The following TSHZ3 variants were observed in gnomAD, a reference collection of about 807,000 sequenced individuals.
The protein encoded by TSHZ3 is teashirt homolog 3.
Under a neutral mutation model 64.5 loss-of-function variants are expected in TSHZ3, and 10 were observed. The ratio of observed to expected loss-of-function variants is 0.16; its 90% CI spans 0.10 to 0.26. TSHZ3 has a LOEUF of 0.26. Among genes scored for constraint, TSHZ3 ranks in the 10% least tolerant of loss-of-function variants. The pLI is 1.00. For synonymous variants in TSHZ3, 608 were observed against 593.1 expected (o/e 1.03, Z -0.36); for missense variants, 1,242 against 1,421.7 (o/e 0.87, Z 2.03).
At position 31,277,812 on chromosome 19, in the gene TSHZ3, C is replaced by A; in HGVS notation, c.1981G>T (p.Asp661Tyr). The A allele has an allele frequency of 6.4e-7, 1 of 1,551,954 alleles. No individual in the cohort carries two copies. The highest frequency in any genetic ancestry group is 8.7e-7 in the Non-Finnish European group (1 of 1,151,492). ...GEPIKMEASS[D>Y]GGFRSQENSP... ...TTCTCCTGGCTGCGGAAGCCCCCAT[C>A]GCTGGATGCCTCCATCTTGATGGGT... Residue 661 changes from aspartate (D) to tyrosine (Y), a missense_variant, in exon 2 of 2, where the codon GAT (aspartate) becomes TAT (tyrosine). Physicochemically the swap from Asp to Tyr is radical, Grantham distance 160. Transcript: ENST00000240587. This position sits in a 1 kb window ranked among gnomAD's most constrained non-coding sequence, Gnocchi z 4.5.
At chr19:31,214,387 G>A (rs957970453) in intron 4 of TSHZ3, among the ~76,000 whole-genome samples, 18 of 152,234 alleles carry the variant, frequency 1.2e-4, no homozygotes, top group African/African-American at 4.1e-4. Flanking sequence ...ATGGTGTGGT[G>A]CAGGAAGTGA....
At chr19:31,212,785 A>T (rs1175897419) in intron 4 of TSHZ3, among the ~76,000 whole-genome samples, 1 of 152,200 alleles carries the variant, frequency 6.6e-6, no homozygotes, top group Non-Finnish European at 1.5e-5. Context: ...TTTATGTCTC[A>T]CAAAAGGCAC....
At chr19:31,184,190 T>C (rs756823462) in intron 5 of TSHZ3, among the ~76,000 whole-genome samples, 1 of 152,224 alleles carries the variant, frequency 6.6e-6, no homozygotes, top group Non-Finnish European at 1.5e-5. Flanking sequence ...AATCATCTGT[T>C]AAGACGGGAT....
chr19:31,311,031 G>A (rs1916441964), intron 1 of TSHZ3, among the ~76,000 whole-genome samples: 1 of 152,184 alleles, frequency 6.6e-6, no homozygotes, highest in Non-Finnish European at 1.5e-5. Context: ...CATCAGCTCA[G>A]CCTCTTGAGA....
chr19:31,165,925 A>C (rs1974444739), intron 5 of TSHZ3, among the ~76,000 whole-genome samples: 1 of 152,242 alleles, frequency 6.6e-6, no homozygotes, highest in Admixed American at 6.5e-5. Flanking sequence ...TGGTCTTCTT[A>C]TTTAAGATGG....
chr19:31,246,268 T>A (rs150613210), intron 1 of TSHZ3, among the ~76,000 whole-genome samples: 1 of 152,220 alleles, frequency 6.6e-6, no homozygotes, highest in Non-Finnish European at 1.5e-5. Context: ...TCATACCAAA[T>A]TGATCATATT....
chr19:31,219,043 T>A (rs1975367658), intron 4 of TSHZ3, among the ~76,000 whole-genome samples: 1 of 152,224 alleles, frequency 6.6e-6, no homozygotes, highest in Non-Finnish European at 1.5e-5. Context: ...AGAGCATTAG[T>A]AAGGCTGCAT....
At chr19:31,330,335 T>A (rs1004559368) in intron 1 of TSHZ3, among the ~76,000 whole-genome samples, 2 of 152,176 alleles carry the variant, frequency 1.3e-5, no homozygotes, top group Admixed American at 6.5e-5. Context: ...GGTGGAGCAG[T>A]GAGCTGACCG....
chr19:31,150,295 C>G (rs982626640), exon 7 of TSHZ3, among the ~76,000 whole-genome samples: 5 of 152,184 alleles, frequency 3.3e-5, no homozygotes, highest in African/African-American at 1.2e-4. Context: ...TGTCTTGCTT[C>G]TTTCAGCTTG....
chr19:31,274,313 C>T (rs1016396053), downstream of TSHZ3, among the ~76,000 whole-genome samples: 11 of 151,918 alleles, frequency 7.2e-5, no homozygotes, highest in Admixed American at 2.6e-4. Context: ...CATGATTTGC[C>T]GGGGCTAATA....
At chr19:31,202,515 G>A (rs1353539) in intron 5 of TSHZ3, among the ~76,000 whole-genome samples, 105,968 of 152,038 alleles carry the variant, frequency 0.7, 37,124 homozygotes, top group African/African-American at 0.77. Flanking sequence ...TAAATGCCAA[G>A]TAATACTCCA....
chr19:31,190,260 G>C (rs993443387), intron 5 of TSHZ3, among the ~76,000 whole-genome samples: 1 of 152,138 alleles, frequency 6.6e-6, no homozygotes. Context: ...AGAATTCTAA[G>C]ACAGGCATGC....
chr19:31,174,052 A>G (rs1244104091), intron 5 of TSHZ3, among the ~76,000 whole-genome samples: 3 of 152,240 alleles, frequency 2.0e-5, no homozygotes, highest in African/African-American at 7.2e-5. Context: ...TGGGAGACAG[A>G]GCGAGACTCC....
At chr19:31,215,103 G>A (rs1237759064) in intron 4 of TSHZ3, among the ~76,000 whole-genome samples, 1 of 152,094 alleles carries the variant, frequency 6.6e-6, no homozygotes, top group Non-Finnish European at 1.5e-5. Context: ...GGTGTTTCAA[G>A]CATTTCCCAG....
At chr19:31,263,175 C>T (rs566856622) in intron 1 of TSHZ3, among the ~76,000 whole-genome samples, 162 of 152,254 alleles carry the variant, frequency 1.1e-3, no homozygotes, top group Non-Finnish European at 2.0e-3. Context: ...TGAGCCAGGA[C>T]TTGGAGGTCC....
chr19:31,317,587 A>G (rs1336176973), intron 1 of TSHZ3, among the ~76,000 whole-genome samples: 1 of 152,188 alleles, frequency 6.6e-6, no homozygotes, highest in Non-Finnish European at 1.5e-5. Context: ...AAGACAAAGG[A>G]AGGAAACAGG....
chr19:31,225,903 G>A (rs1431539681), intron 4 of TSHZ3, among the ~76,000 whole-genome samples: 1 of 152,178 alleles, frequency 6.6e-6, no homozygotes, highest in Non-Finnish European at 1.5e-5. Flanking sequence ...AAGGTAGGTG[G>A]ATTGCTTGAG....
At chr19:31,210,026 T>A (rs1398165205) in intron 4 of TSHZ3, among the ~76,000 whole-genome samples, 1 of 152,066 alleles carries the variant, frequency 6.6e-6, no homozygotes, top group Non-Finnish European at 1.5e-5. Flanking sequence ...ATAGAGCTTT[T>A]TAAGGACACT....
At chr19:31,325,502 G>A (rs1916907572) in intron 1 of TSHZ3, among the ~76,000 whole-genome samples, 1 of 152,330 alleles carries the variant, frequency 6.6e-6, no homozygotes, top group South Asian at 2.1e-4. Flanking sequence ...GAGAGAAGGG[G>A]TTGCTGACTG....
Sources: gnomAD v4.1 joint callset for allele counts (sites outside exome capture counted in the v4.1 genomes callset) on GRCh38, gnomAD v4.1.1 for gene constraint, Gnocchi (gnomAD v3.1) non-coding constraint, MANE v1.5 for transcripts, NCBI Gene and HGNC (gene_info 2026-07-23, HGNC 2026-07-21) for gene names.